Variants in HERC4 observed in about 807,000 individuals in gnomAD.
HERC4 encodes the protein HECT and RLD domain containing E3 ubiquitin protein ligase 4, also known as probable E3 ubiquitin-protein ligase HERC4.
A neutral mutation model predicts 124.3 loss-of-function variants in HERC4; 28 were observed. The observed-to-expected ratio is 0.23, with a 90% CI of 0.17 to 0.31. The LOEUF is 0.31. Among genes scored for constraint, HERC4 ranks in the 10% least tolerant of loss-of-function variants. HERC4 has a pLI of 1.00. For missense variants in HERC4, 713 were observed against 1,229.3 expected (o/e 0.58, Z 6.28); for synonymous variants, 407 against 421.5 (o/e 0.97, Z 0.42).
intron 8 of HERC4, among the ~76,000 whole-genome samples, chr10:68,020,570 C>T (rs573030523): frequency 1.7e-4 from 26 of 151,848 alleles, no homozygotes; most frequent in African/African-American, 5.8e-4. Flanking sequence ...ATCGAGACCA[C>T]CCCGGCTAAA....
intron 11 of HERC4, among the ~76,000 whole-genome samples, 194 bp from the exon 12 acceptor site, chr10:67,991,393 C>T (rs1404360201): frequency 6.6e-6 from 1 of 152,078 alleles, no homozygotes; most frequent in Non-Finnish European, 1.5e-5. Flanking sequence ...GAAGGTATTA[C>T]TGTTTATTCT....
intron 15 of HERC4, among the ~76,000 whole-genome samples, chr10:67,986,859 A>T (rs2036291433): frequency 6.6e-6 from 1 of 152,264 alleles, no homozygotes; most frequent in Admixed American, 6.5e-5. Flanking sequence ...ACTATATGTG[A>T]TCTAGAATAT....
intron 8 of HERC4, among the ~76,000 whole-genome samples, chr10:68,019,554 C>T (rs952085092): frequency 6.6e-6 from 1 of 152,064 alleles, no homozygotes; most frequent in Non-Finnish European, 1.5e-5. Context: ...TAAGAAGCAC[C>T]GAGAATCTGT....
rs537677401 is a variant in HERC4, at chr10:68,062,316, T to C, written c.226+10567A>G. 8.4e-4 allele frequency among the ~76,000 whole-genome samples: 128 copies of C among 152,290 alleles called. 1 individual carries two copies. The highest frequency in any genetic ancestry group is 2.8e-3 in the African/African-American group (118 of 41,554). On this transcript the variant is annotated intron_variant, in intron 3 of 24. Transcript: ENST00000373700. The stretch of plus-strand genomic sequence containing the variant: ...CTTATTTCTATACTAATGAATATAC[T>C]AATCTATAGCTAATGATTCTACCTA...
chr10:68,016,775 G>A (rs574255655), intron 8 of HERC4, among the ~76,000 whole-genome samples: 2 of 152,186 alleles, frequency 1.3e-5, no homozygotes, highest in East Asian at 1.9e-4. Flanking sequence ...TTTTACCCCC[G>A]ATCCAACAGT....
At chr10:68,045,934 G>T (rs553300659) in intron 3 of HERC4, among the ~76,000 whole-genome samples, 1 of 152,196 alleles carries the variant, frequency 6.6e-6, no homozygotes, top group East Asian at 1.9e-4. Context: ...TTGCATTTTG[G>T]AGAGGGAGGT....
At chr10:67,972,530 A>G (rs1374903847) in intron 15 of HERC4, among the ~76,000 whole-genome samples, 23 of 1,460 alleles carry the variant, frequency 0.016, no homozygotes, top group African/African-American at 0.029. Flanking sequence ...AAAAAAGAGG[A>G]AAAAAAAAAA....
intron 9 of HERC4, among the ~76,000 whole-genome samples, chr10:68,007,418 GAA>G (rs2037640360): frequency 1.3e-5 from 2 of 152,058 alleles, no homozygotes; most frequent in Admixed American, 1.3e-4. Context: ...TTGAATTTCT[GAA>G]AAGTCACATG....
chr10:68,007,789 A>T (rs2037666679), intron 9 of HERC4: 1 of 151,646 alleles, frequency 6.6e-6, no homozygotes, highest in Non-Finnish European at 1.5e-5. Context: ...CCCACTACTG[A>T]TCAGCACAGG....
intron 19 of HERC4, among the ~76,000 whole-genome samples, chr10:67,953,774 T>G (rs2033964826): frequency 6.6e-6 from 1 of 152,142 alleles, no homozygotes; most frequent in African/African-American, 2.4e-5. Flanking sequence ...TACTAAGGAA[T>G]CAGAAAACGT....
intron 15 of HERC4, among the ~76,000 whole-genome samples, chr10:67,984,260 C>T (rs1203114174): frequency 6.6e-6 from 1 of 150,664 alleles, no homozygotes; most frequent in Non-Finnish European, 1.5e-5. Flanking sequence ...CAAGATCACG[C>T]CACTGTACTC....
chr10:68,001,626 A>G (rs2037238912), intron 9 of HERC4, among the ~76,000 whole-genome samples: 1 of 152,218 alleles, frequency 6.6e-6, no homozygotes, highest in African/African-American at 2.4e-5. Flanking sequence ...ATTTAGTGGT[A>G]GCAAGTATAT....
At chr10:68,067,780 TAA>T (rs1415811000) in intron 3 of HERC4, 1 of 152,154 alleles carries the variant, frequency 6.6e-6, no homozygotes, top group Non-Finnish European at 1.5e-5. Flanking sequence ...TCATCATCTT[TAA>T]AAAGAGTTCA....
intron 21 of HERC4, among the ~76,000 whole-genome samples, chr10:67,938,624 G>C (rs915477770): frequency 6.6e-6 from 1 of 151,552 alleles, no homozygotes; most frequent in African/African-American, 2.4e-5. Flanking sequence ...TCTATCAATG[G>C]CTTTGCATGT....
chr10:68,058,913 T>C (rs952533350), intron 3 of HERC4, among the ~76,000 whole-genome samples: 3 of 152,172 alleles, frequency 2.0e-5, no homozygotes, highest in Non-Finnish European at 4.4e-5. Context: ...CTACTATGTA[T>C]GTTCTCCATC....
chr10:68,027,469 G>A (rs1298201091), intron 7 of HERC4, among the ~76,000 whole-genome samples: 1 of 152,176 alleles, frequency 6.6e-6, no homozygotes, highest in Non-Finnish European at 1.5e-5. Context: ...GCATATATCT[G>A]TAACCGACAA....
intron 3 of HERC4, among the ~76,000 whole-genome samples, chr10:68,065,270 T>C (rs2041244433): frequency 6.6e-6 from 1 of 152,200 alleles, no homozygotes; most frequent in Non-Finnish European, 1.5e-5. Context: ...GAACATGTAA[T>C]ACTTTTATAA....
At chr10:68,047,183 T>C (rs72808660) in intron 3 of HERC4, among the ~76,000 whole-genome samples, 48 of 138,338 alleles carry the variant, frequency 3.5e-4, no homozygotes, top group Non-Finnish European at 5.2e-4. Context: ...ATCCCCAGTT[T>C]TTATTGACTT....
At chr10:67,966,940 T>C (rs10430469) in intron 15 of HERC4, 138 bp from the exon 16 acceptor site, 46,254 of 512,816 alleles carry the variant, frequency 0.09, 3,923 homozygotes, top group East Asian at 0.42. Flanking sequence ...CTGCAAGCTC[T>C]GCCTCCCGGG....
Sources: allele counts gnomAD v4.1 joint callset (sites outside exome capture counted in the v4.1 genomes callset), GRCh38; gene constraint gnomAD v4.1.1; transcripts MANE v1.5; gene names NCBI Gene and HGNC (gene_info 2026-07-23, HGNC 2026-07-21).